Variants in DOK7 observed in about 807,000 individuals in gnomAD.
DOK7 encodes the protein protein Dok-7.
Under a neutral mutation model 30.7 loss-of-function variants are expected in DOK7, and 32 were observed. The observed-to-expected ratio is 1.04, with a 90% CI of 0.79 to 1.40. The LOEUF (loss-of-function observed/expected upper bound fraction) is 1.40, where lower values mean the gene tolerates loss of function less well. Among genes scored for constraint, DOK7 ranks in the 40% most tolerant of loss-of-function variants. The pLI is 0.00. For synonymous variants in DOK7, 447 were observed against 324.1 expected (o/e 1.38, Z -4.07); for missense variants, 1,007 against 699.2 (o/e 1.44, Z -4.97).
intron 2 of DOK7, among the ~76,000 whole-genome samples, chr4:3,468,442 G>C (rs1174991717): frequency 7.4e-6 from 1 of 135,810 alleles, no homozygotes; most frequent in Non-Finnish European, 1.6e-5. Context: ...GTACATGTAC[G>C]AGTGTGTGCC....
At chr4:3,468,789 C>A (rs565910461) in intron 2 of DOK7, among the ~76,000 whole-genome samples, 2 of 129,062 alleles carry the variant, frequency 1.5e-5, no homozygotes, top group South Asian at 2.5e-4. Context: ...TGCCTGTGAT[C>A]ATGTATGTCT....
rs929612117 is a variant in DOK7 at position 3,493,393 on chromosome 4, T to C, written c.1407T>C (p.Pro469=). 6.3e-7 allele frequency: 1 copy of C among 1,594,918 alleles called. No individual in the cohort carries two copies. The highest frequency in any genetic ancestry group is 8.5e-7 in the Non-Finnish European group (1 of 1,171,294). ...PQGSEATLPG[P]APGEPWEAGG... Reference sequence around the variant, plus strand: ...GCAGCGAGGCCACACTGCCTGGCCCTGCCCCTGGCGAGCCCTGGGAAGCAG... The same window carrying C: ...GCAGCGAGGCCACACTGCCTGGCCCCGCCCCTGGCGAGCCCTGGGAAGCAG... The change falls in exon 7 of 7, where the codon CCT becomes CCC. Residue 469 remains proline, a synonymous_variant. Transcript: ENST00000340083.
chr4:3,470,200 T>C (rs1726678635), intron 2 of DOK7, among the ~76,000 whole-genome samples: 1 of 152,220 alleles, frequency 6.6e-6, no homozygotes, highest in Non-Finnish European at 1.5e-5. Flanking sequence ...TCCGTCCCCA[T>C]TCAGGTGACC....
At chr4:3,474,081 C>T (rs187520247) in intron 3 of DOK7, among the ~76,000 whole-genome samples, 1 of 152,102 alleles carries the variant, frequency 6.6e-6, no homozygotes, top group Non-Finnish European at 1.5e-5. Context: ...GAAGGGAGTG[C>T]TCCCCTGTGG....
chr4:3,488,651 T>G (rs534509793), intron 5 of DOK7, among the ~76,000 whole-genome samples: 1 of 152,152 alleles, frequency 6.6e-6, no homozygotes, highest in Non-Finnish European at 1.5e-5. Context: ...TCCTGGACTT[T>G]GGGGAGAGCA....
downstream of DOK7, among the ~76,000 whole-genome samples, chr4:3,496,639 G>GT (rs1411677977): frequency 6.6e-6 from 1 of 152,136 alleles, no homozygotes; most frequent in Non-Finnish European, 1.5e-5. Flanking sequence ...TCTGGGGGCT[G>GT]TGGGGCAAAG....
chr4:3,493,264 C>T lies in DOK7; in HGVS notation c.1278C>T (p.Pro426=), dbSNP rs139468087. The T allele has an allele frequency of 2.5e-3, 4,046 of 1,611,556 alleles. 9 individuals carry two copies. Among genetic ancestry groups the T allele is most frequent in the Non-Finnish European group, 3.1e-3 (3,658 of 1,179,480 alleles). The part of the protein sequence containing the change: ...RDHSPPSQGS[P]GNSAARDSGG... ...ACAGCCCCCCCTCACAGGGCAGCCC[C>T]GGCAACAGTGCGGCCAGGGACTCAG... The change falls in exon 7 of 7, where the codon CCC becomes CCT. Residue 426 remains proline, a synonymous_variant. Coordinates refer to ENST00000340083, the MANE Select transcript of DOK7 (RefSeq NM_173660.5).
At chr4:3,482,224 G>A (rs552556051) in intron 4 of DOK7, among the ~76,000 whole-genome samples, 2 of 152,276 alleles carry the variant, frequency 1.3e-5, no homozygotes, top group South Asian at 4.1e-4. Flanking sequence ...AGCGGCTGGC[G>A]GCTGTTCCCT....
chr4:3,501,015 T>C, exon 8 of DOK7: 1 of 881,874 alleles, frequency 1.1e-6, no homozygotes, highest in Non-Finnish European at 1.7e-6. Flanking sequence ...GCCTCCTGCC[T>C]CACAGGTGTC....
chr4:3,494,592 C>A, downstream of DOK7: 2 of 910,918 alleles, frequency 2.2e-6, no homozygotes, highest in Non-Finnish European at 2.6e-6. Context: ...TGGCCTTTAT[C>A]TCAGAGAGTG....
intron 6 of DOK7, among the ~76,000 whole-genome samples, chr4:3,499,795 G>A (rs955229382): frequency 6.6e-6 from 1 of 152,046 alleles, no homozygotes; most frequent in African/African-American, 2.4e-5. Context: ...CCGGAGGACA[G>A]TGAGGGGGAG....
intron 4 of DOK7, among the ~76,000 whole-genome samples, chr4:3,484,274 C>T (rs1727616362): frequency 6.6e-6 from 1 of 152,344 alleles, no homozygotes; most frequent in Admixed American, 6.5e-5. Context: ...TGCCAAGGGG[C>T]CGGCAGCGTC....
At chr4:3,497,233 G>A (rs191731218), downstream of DOK7, among the ~76,000 whole-genome samples, 241 of 152,206 alleles carry the variant, frequency 1.6e-3, 2 homozygotes, top group Middle Eastern at 0.01. Context: ...TTCCTGGGAG[G>A]GGGCATGGCA....
Position 3,493,427 on chromosome 4 carries a change from C to A in DOK7, c.1441C>A (p.His481Asn), listed in dbSNP as rs1266239935. 1.2e-6 allele frequency: 2 copies of A among 1,602,310 alleles called. No individual in the cohort carries two copies. Among genetic ancestry groups the A allele is most frequent in the East Asian group, 2.3e-5 (1 of 44,404 alleles). Residue 481 changes from histidine to asparagine, a missense_variant, in exon 7 of 7, where the codon CAC becomes AAC. By Grantham distance (68) the His-to-Asn change is moderately conservative (BLOSUM62 1). Coordinates refer to ENST00000340083, the MANE Select transcript of DOK7 (RefSeq NM_173660.5). The stretch of plus-strand genomic sequence containing the variant: ...CGAGCCCTGGGAAGCAGGCGGCCCC[C>A]ACGCGGGGCCACCCCCGGCTTTCTT... ...PGEPWEAGGP[H>N]AGPPPAFFSA...
chr4:3,484,762 C>G, intron 4 of DOK7: 1 of 985,490 alleles, frequency 1.0e-6, no homozygotes, highest in Non-Finnish European at 1.2e-6. Flanking sequence ...ACTGGCAGCT[C>G]CAGCTTCCCC....
downstream of DOK7, among the ~76,000 whole-genome samples, chr4:3,496,259 G>A (rs1006720428): frequency 5.3e-5 from 8 of 152,200 alleles, no homozygotes; most frequent in African/African-American, 9.7e-5. Context: ...CCAGGAGAAG[G>A]TCGCCTGCAG....
chr4:3,496,380 C>T (rs1484023655), downstream of DOK7, among the ~76,000 whole-genome samples: 1 of 152,262 alleles, frequency 6.6e-6, no homozygotes, highest in Non-Finnish European at 1.5e-5. Flanking sequence ...CCCACACCCT[C>T]AAGGACGGGA....
intron 6 of DOK7, among the ~76,000 whole-genome samples, chr4:3,491,413 T>TC (rs60309432): frequency 0.35 from 43,323 of 123,544 alleles, 7,246 homozygotes; most frequent in South Asian, 0.52. Context: ...CCAGCTTCCT[T>TC]CTTTCCTTCT....
rs1726881647 is a variant in DOK7, at chr4:3,473,411, C to T, written c.106C>T (p.Leu36=). ...LRKPSPVADC[L]LMLVYKDKSE... ...GACGGCCACGCTCCTTGCAGACTGC[C>T]TGCTGATGCTGGTCTACAAGGACAA... is the stretch of plus-strand genomic sequence containing the variant. Residue 36 remains leucine, a synonymous_variant, in exon 3 of 7, where the codon CTG becomes TTG. Coordinates refer to ENST00000340083, the MANE Select transcript of DOK7 (RefSeq NM_173660.5). The T allele has an allele frequency of 6.2e-7, 1 of 1,610,716 alleles. No individual in the cohort carries two copies. The highest frequency in any genetic ancestry group is 8.5e-7 in the Non-Finnish European group (1 of 1,179,790).
Sources: allele counts gnomAD v4.1 joint callset (sites outside exome capture counted in the v4.1 genomes callset), GRCh38; gene constraint gnomAD v4.1.1; transcripts MANE v1.5; gene names NCBI Gene and HGNC (gene_info 2026-07-23, HGNC 2026-07-21).